Variants in LHFPL6 observed in about 807,000 individuals in gnomAD.
The protein encoded by LHFPL6 is LHFPL tetraspan subfamily member 6, also known as LHFPL tetraspan subfamily member 6 protein.
Under a neutral mutation model 20.6 loss-of-function variants are expected in LHFPL6, and 9 were observed. The ratio of observed to expected loss-of-function variants is 0.44; its 90% CI spans 0.26 to 0.76. The LOEUF (loss-of-function observed/expected upper bound fraction) is 0.76. Ranked by LOEUF, LHFPL6 falls within the 30% of genes least tolerant of loss-of-function variation. The pLI is 0.20. For missense variants in LHFPL6, 218 were observed against 253.5 expected (o/e 0.86, Z 0.95); for synonymous variants, 105 against 98.7 (o/e 1.06, Z -0.38).
In LHFPL6 at chr13:39,560,066, A is replaced by G. The variant is rs140351471; in HGVS notation, c.385+40766T>C. On this transcript the variant is annotated intron_variant, in intron 2 of 3. Coordinates refer to ENST00000379589, the MANE Select transcript of LHFPL6 (RefSeq NM_005780.3). ...ATGGCATCAGAACCCCACACATGAGAAAAGGCACTTGGCAATCTATCAACA... is the reference window on the plus strand; with the variant it reads ...ATGGCATCAGAACCCCACACATGAGGAAAGGCACTTGGCAATCTATCAACA... Among the ~76,000 whole-genome samples the G allele has an allele frequency of 2.1e-3, 316 of 152,270 alleles. 2 individuals are homozygous for G. The highest frequency in any genetic ancestry group is 6.9e-3 in the African/African-American group (286 of 41,572).
At chr13:39,532,227 C>T (rs1186748171) in intron 2 of LHFPL6, among the ~76,000 whole-genome samples, 1 of 152,074 alleles carries the variant, frequency 6.6e-6, no homozygotes, top group Non-Finnish European at 1.5e-5. Flanking sequence ...CTACTCCTGC[C>T]CTAACTGCTG....
At position 39,555,947 on chromosome 13, in the gene LHFPL6, T is replaced by C. The variant is rs187810355; in HGVS notation, c.385+44885A>G. ...CCCTTGGTGGTAAGTGAGTTCTCAC[T>C]CAATTAGTTCACATGAGATCTGGTT... On this transcript the variant is annotated intron_variant, in intron 2 of 3. Coordinates refer to ENST00000379589, the MANE Select transcript of LHFPL6 (RefSeq NM_005780.3). Among the ~76,000 whole-genome samples the C allele has an allele frequency of 3.2e-4, 48 of 152,228 alleles. No homozygotes were observed. The East Asian group carries it at 3.5e-3, about 11-fold the overall frequency.
intron 2 of LHFPL6, among the ~76,000 whole-genome samples, chr13:39,568,044 G>A (rs1341802897): frequency 6.6e-6 from 1 of 152,204 alleles, no homozygotes; most frequent in African/African-American, 2.4e-5. Flanking sequence ...ACTAGAACAA[G>A]TGGTCTTAGT....
intron 3 of LHFPL6, among the ~76,000 whole-genome samples, chr13:39,377,128 A>G (rs1026533277): frequency 6.6e-6 from 1 of 152,192 alleles, no homozygotes; most frequent in Non-Finnish European, 1.5e-5. Context: ...GGTCTTGCTA[A>G]GTTCTGCAGT....
At chr13:39,511,487 G>GA (rs1869705353) in intron 2 of LHFPL6, among the ~76,000 whole-genome samples, 1 of 146,358 alleles carries the variant, frequency 6.8e-6, no homozygotes, top group African/African-American at 2.5e-5. Context: ...AAAAAAGACA[G>GA]AAAAGAGATA....
At chr13:39,553,125 T>C (rs1871190494) in intron 2 of LHFPL6, among the ~76,000 whole-genome samples, 1 of 152,196 alleles carries the variant, frequency 6.6e-6, no homozygotes, top group African/African-American at 2.4e-5. Flanking sequence ...AATATGTCAA[T>C]ACATTTAAGC....
Position 39,413,696 on chromosome 13 carries a change from A to G in LHFPL6, c.386-35170T>C, listed in dbSNP as rs568117225. 2.0e-5 allele frequency among the ~76,000 whole-genome samples: 3 copies of G among 152,216 alleles called. No individual in the cohort carries two copies. The South Asian group carries it at 6.2e-4, about 32-fold the overall frequency. ...TTGCACAAGTGTATTAAACTCTAAC[A>G]TGCATATTGACAAGTGTACATATAA... On this transcript the variant is annotated intron_variant, in intron 2 of 3. Coordinates refer to ENST00000379589, the MANE Select transcript of LHFPL6 (RefSeq NM_005780.3).
At chr13:39,420,494 CA>C (rs1486026051) in intron 2 of LHFPL6, among the ~76,000 whole-genome samples, 1 of 152,160 alleles carries the variant, frequency 6.6e-6, no homozygotes, top group Admixed American at 6.5e-5. Flanking sequence ...CTTAATGTAT[CA>C]AAATGACAAG....
intron 2 of LHFPL6, among the ~76,000 whole-genome samples, chr13:39,513,285 T>C (rs984207291): frequency 1.3e-5 from 2 of 152,226 alleles, no homozygotes; most frequent in Non-Finnish European, 2.9e-5. Flanking sequence ...CTTATAAAAT[T>C]ACATGGGATT....
rs374678386 is a variant in LHFPL6, at chr13:39,468,793, G to A, written c.386-90267C>T. Reference sequence around the variant, plus strand: ...AGTCTTGGACTGTTTTTAATGTATCGAAAACTCAATCTTGATTTCATAGGG... The same window carrying A: ...AGTCTTGGACTGTTTTTAATGTATCAAAAACTCAATCTTGATTTCATAGGG... On this transcript the variant is annotated intron_variant, in intron 2 of 3. Transcript: ENST00000379589. 9.2e-5 allele frequency among the ~76,000 whole-genome samples: 14 copies of A among 151,598 alleles called. No homozygotes were observed. The South Asian group carries it at 2.1e-3, about 23-fold the overall frequency.
At chr13:39,470,419 T>TTTATACGGCATATAATTATACGGTAA (rs1872914021) in intron 2 of LHFPL6, among the ~76,000 whole-genome samples, 1 of 152,144 alleles carries the variant, frequency 6.6e-6, no homozygotes, top group Non-Finnish European at 1.5e-5. Flanking sequence ...TATGCCAGTT[T>TTTATACGGCATATAATTATACGGTAA]TTATACGGTA....
At chr13:39,427,088 C>G (rs919013753) in intron 2 of LHFPL6, among the ~76,000 whole-genome samples, 3 of 149,242 alleles carry the variant, frequency 2.0e-5, no homozygotes, top group Non-Finnish European at 4.4e-5. Context: ...CCTATATGTG[C>G]TTGTTGATAA....
chr13:39,419,581 G>A (rs1047842227), intron 2 of LHFPL6, among the ~76,000 whole-genome samples: 10 of 152,184 alleles, frequency 6.6e-5, no homozygotes, highest in African/African-American at 2.4e-4. Context: ...TTTTACTAAA[G>A]TTGTAATATT....
intron 2 of LHFPL6, among the ~76,000 whole-genome samples, chr13:39,491,571 C>A (rs371487800): frequency 1.3e-5 from 2 of 152,070 alleles, no homozygotes; most frequent in Admixed American, 6.6e-5. Context: ...TGAGGATGTG[C>A]AAGATTAAAT....
intron 2 of LHFPL6, among the ~76,000 whole-genome samples, chr13:39,494,233 C>A (rs1869024939): frequency 6.6e-6 from 1 of 152,260 alleles, no homozygotes; most frequent in African/African-American, 2.4e-5. Context: ...CAAATGCCAT[C>A]ATTACATTTG....
At chr13:39,417,528 G>A (rs756029018) in intron 2 of LHFPL6, among the ~76,000 whole-genome samples, 9 of 152,160 alleles carry the variant, frequency 5.9e-5, no homozygotes, top group African/African-American at 1.7e-4. Context: ...CAAAAGAGAC[G>A]GAGGGAAGGA....
chr13:39,536,575 C>A (rs1870625892), intron 2 of LHFPL6, among the ~76,000 whole-genome samples: 1 of 152,292 alleles, frequency 6.6e-6, no homozygotes, highest in South Asian at 2.1e-4. Context: ...ACACTGAAGT[C>A]TGGAGCTCTT....
At chr13:39,431,262 T>C (rs920212901) in intron 2 of LHFPL6, among the ~76,000 whole-genome samples, 7 of 152,160 alleles carry the variant, frequency 4.6e-5, no homozygotes, top group African/African-American at 7.2e-5. Flanking sequence ...GTCAGCGGCT[T>C]CATTCCTGAA....
rs1287684063 is a variant in LHFPL6, at chr13:39,582,385, CTT to C, written c.385+18445_385+18446del. ...CCATGTGAATTGTAGTCCAGTGAGA[CTT>C]TTATCAAACTGGGGTATTTGGAGGG... On this transcript the variant is annotated intron_variant, in intron 2 of 3. Coordinates refer to ENST00000379589, the MANE Select transcript of LHFPL6 (RefSeq NM_005780.3). Among the ~76,000 whole-genome samples the C allele has an allele frequency of 4.6e-5, 7 of 152,132 alleles. No homozygotes were observed. In the East Asian group the frequency reaches 1.3e-3, roughly 29 times the overall value.
Sources: allele counts gnomAD v4.1 joint callset (sites outside exome capture counted in the v4.1 genomes callset), GRCh38; gene constraint gnomAD v4.1.1; transcripts MANE v1.5; gene names NCBI Gene and HGNC (gene_info 2026-07-23, HGNC 2026-07-21).